The following PPP2R5A variants were observed in gnomAD, a reference collection of about 807,000 sequenced individuals.
PPP2R5A encodes the protein serine/threonine-protein phosphatase 2A 56 kDa regulatory subunit alpha isoform.
In PPP2R5A, 25 loss-of-function variants were observed where a neutral mutation model predicts 64.2. That is an observed-to-expected ratio of 0.39 (90% CI 0.28 to 0.54). The LOEUF (loss-of-function observed/expected upper bound fraction) is 0.54. PPP2R5A is among the 20% of genes least tolerant of loss of function. The pLI, the probability that PPP2R5A is intolerant of heterozygous loss-of-function variation, is 0.67. For missense variants in PPP2R5A, 425 were observed against 576.3 expected (o/e 0.74, Z 2.69); for synonymous variants, 198 against 201.2 (o/e 0.98, Z 0.13).
In PPP2R5A at chr1:212,340,938, T is replaced by A. The variant is rs971100644; in HGVS notation, c.481-1250T>A. Among the ~76,000 whole-genome samples, 7 of 152,158 alleles carry A rather than the reference T, an allele frequency of 4.6e-5. No individual in the cohort carries two copies. The South Asian group carries it at 8.3e-4, about 18-fold the overall frequency. ...CCCTTTTTCTTTTCTAACTTCTACA[T>A]CAACCTAACTGGCTACCTAAATGTT... is the stretch of plus-strand genomic sequence containing the variant. On this transcript the variant is annotated intron_variant, in intron 3 of 12. Transcript: ENST00000261461.
chr1:212,313,751 A>G (rs1417240350), intron 1 of PPP2R5A: 1 of 150,050 alleles, frequency 6.7e-6, no homozygotes, highest in Non-Finnish European at 1.5e-5. Flanking sequence ...TAAGTGCCTT[A>G]TTTTTTTTTC....
intron 9 of PPP2R5A, 131 bp from the exon 10 acceptor site, chr1:212,356,819 A>G (rs1210328869): frequency 1.0e-5 from 13 of 1,266,132 alleles, no homozygotes; most frequent in Admixed American, 2.8e-5. Flanking sequence ...CCTGTGCTAT[A>G]GTAAACTCTG....
At chr1:212,288,965 G>C (rs1050205002) in intron 1 of PPP2R5A, among the ~76,000 whole-genome samples, 2 of 152,218 alleles carry the variant, frequency 1.3e-5, no homozygotes, top group African/African-American at 2.4e-5. Context: ...CTTTTCACCT[G>C]TAAGAAGTAT....
intron 4 of PPP2R5A, among the ~76,000 whole-genome samples, chr1:212,345,566 A>T (rs1659763028): frequency 6.6e-6 from 1 of 152,188 alleles, no homozygotes. Flanking sequence ...AGAAAAATCC[A>T]CTTTTTGAAA....
At chr1:212,317,070 C>G (rs189909862) in intron 1 of PPP2R5A, among the ~76,000 whole-genome samples, 133 of 152,260 alleles carry the variant, frequency 8.7e-4, no homozygotes, top group Non-Finnish European at 1.6e-3. Context: ...ATCTGAAGTT[C>G]TGTAGGACCC....
Position 212,342,241 on chromosome 1 carries a change from C to T in PPP2R5A, c.534C>T (p.Ser178=), listed in dbSNP as rs1019317206. 5.6e-6 allele frequency: 9 copies of T among 1,613,518 alleles called. No individual in the cohort carries two copies. Among genetic ancestry groups the T allele is most frequent in the Admixed American group, 1.7e-5 (1 of 59,988 alleles). Residue 178 remains serine, a synonymous_variant, in exon 4 of 13, where the codon AGC becomes AGT. Transcript: ENST00000261461. ...RFLESPDFQP[S]IAKRYIDQKF... ...TGGAGAGCCCTGATTTCCAGCCTAG[C>T]ATTGCAAAACGATACATTGATCAGA...
chr1:212,307,505 A>G (rs1377309733), intron 1 of PPP2R5A, among the ~76,000 whole-genome samples: 1 of 152,090 alleles, frequency 6.6e-6, no homozygotes, highest in South Asian at 2.1e-4. Context: ...ATGCAGCACA[A>G]CTTTCCTCCC....
chr1:212,302,684 G>C (rs1658819280), intron 1 of PPP2R5A, among the ~76,000 whole-genome samples: 2 of 152,192 alleles, frequency 1.3e-5, no homozygotes, highest in Non-Finnish European at 2.9e-5. Flanking sequence ...AACTACCACA[G>C]TCAATTTTAG....
chr1:212,312,707 A>G (rs952371744), intron 1 of PPP2R5A, among the ~76,000 whole-genome samples: 1 of 152,258 alleles, frequency 6.6e-6, no homozygotes, highest in East Asian at 1.9e-4. Flanking sequence ...AAGAAGAAAC[A>G]AAAATCTGAA....
chr1:212,315,875 T>C (rs1659141909), intron 1 of PPP2R5A, among the ~76,000 whole-genome samples: 1 of 152,236 alleles, frequency 6.6e-6, no homozygotes, highest in Admixed American at 6.5e-5. Context: ...TTGGAGATTC[T>C]CTCAATATAT....
At chr1:212,324,077 A>C (rs1659364133) in intron 1 of PPP2R5A, among the ~76,000 whole-genome samples, 1 of 152,134 alleles carries the variant, frequency 6.6e-6, no homozygotes, top group South Asian at 2.1e-4. Context: ...ATCTCAAAAA[A>C]AAAAAAAATG....
chr1:212,342,561 T>C (rs1659703487), intron 4 of PPP2R5A, among the ~76,000 whole-genome samples: 1 of 152,222 alleles, frequency 6.6e-6, no homozygotes, highest in Non-Finnish European at 1.5e-5. Context: ...TTCTGCAGTA[T>C]CTGAGAAAAT....
chr1:212,315,317 C>T (rs1441762327), intron 1 of PPP2R5A, among the ~76,000 whole-genome samples: 1 of 152,200 alleles, frequency 6.6e-6, no homozygotes, highest in African/African-American at 2.4e-5. Context: ...ATCATGAACA[C>T]TATGCTTCTT....
intron 1 of PPP2R5A, among the ~76,000 whole-genome samples, chr1:212,307,402 TG>T (rs1189265927): frequency 6.6e-6 from 1 of 152,154 alleles, no homozygotes; most frequent in Non-Finnish European, 1.5e-5. Context: ...CCTCCTTTTT[TG>T]TGATATTAGT....
At chr1:212,297,825 C>CTTTTTTATTTTTTTTTA (rs1438491537) in intron 1 of PPP2R5A, 2 of 22,096 alleles carry the variant, frequency 9.1e-5, no homozygotes, top group East Asian at 6.3e-4. Flanking sequence ...TTTTTTTTTT[C>CTTTTTTATTTTTTTTTA]TTTTTTATTT....
intron 6 of PPP2R5A, 23 bp from the exon 7 acceptor site, chr1:212,348,365 TC>T: frequency 6.8e-7 from 1 of 1,467,278 alleles, no homozygotes; most frequent in African/African-American, 1.4e-5. Context: ...ACTTAACCCT[TC>T]CCCTGCCTTT....
At chr1:212,312,375 C>G (rs760798766) in intron 1 of PPP2R5A, among the ~76,000 whole-genome samples, 1 of 152,152 alleles carries the variant, frequency 6.6e-6, no homozygotes, top group Non-Finnish European at 1.5e-5. Flanking sequence ...GGTATTCTAA[C>G]TGAATTTTCA....
At chr1:212,319,733 G>T (rs542700040) in intron 1 of PPP2R5A, among the ~76,000 whole-genome samples, 46 of 147,956 alleles carry the variant, frequency 3.1e-4, no homozygotes, top group Middle Eastern at 7.1e-3. Context: ...CGATTCTCCT[G>T]TCTCAGTCTC....
intron 8 of PPP2R5A, among the ~76,000 whole-genome samples, chr1:212,351,102 C>CAAAAAA (rs58625826): frequency 4.0e-4 from 41 of 103,644 alleles, no homozygotes; most frequent in Non-Finnish European, 7.6e-4. Context: ...CGAGATGACA[C>CAAAAAA]AAAAAAAAAA....
Sources: allele counts gnomAD v4.1 joint callset (sites outside exome capture counted in the v4.1 genomes callset), GRCh38; gene constraint gnomAD v4.1.1; transcripts MANE v1.5; gene names NCBI Gene and HGNC (gene_info 2026-07-23, HGNC 2026-07-21).